Variants in CYRIB observed in about 807,000 individuals in gnomAD.
The protein encoded by CYRIB is CYFIP-related Rac1 interactor B.
Under a neutral mutation model 44.2 loss-of-function variants are expected in CYRIB, and 8 were observed. That is an observed-to-expected ratio of 0.18 (90% CI 0.11 to 0.33). The LOEUF (loss-of-function observed/expected upper bound fraction) is 0.33. CYRIB is among the 10% of genes least tolerant of loss of function. The pLI, the probability that CYRIB is intolerant of heterozygous loss-of-function variation, is 1.00. For synonymous variants in CYRIB, 131 were observed against 127.2 expected, an observed-to-expected ratio of 1.03 and a Z score of -0.20; for missense variants, 185 against 382.8, an observed-to-expected ratio of 0.48 and a Z score of 4.31.
chr8:129,966,120 G>A (rs971625544), intron 2 of CYRIB, among the ~76,000 whole-genome samples: 3 of 152,162 alleles, frequency 2.0e-5, no homozygotes, highest in Non-Finnish European at 4.4e-5. Context: ...GGCTTCCAAA[G>A]TGCTGATTAT....
intron 1 of CYRIB, among the ~76,000 whole-genome samples, chr8:129,972,834 A>G (rs1444302606): frequency 6.6e-6 from 1 of 152,140 alleles, no homozygotes; most frequent in Non-Finnish European, 1.5e-5. Context: ...GATAGAAGTA[A>G]CATGGGCCTC....
At chr8:129,982,944 C>G (rs2096294448) in intron 1 of CYRIB, among the ~76,000 whole-genome samples, 1 of 151,540 alleles carries the variant, frequency 6.6e-6, no homozygotes, top group Non-Finnish European at 1.5e-5. Context: ...GTCCAGCTCT[C>G]CAAAATGTAT....
intron 4 of CYRIB, among the ~76,000 whole-genome samples, chr8:129,866,444 A>C (rs2132709625): frequency 6.6e-6 from 1 of 152,306 alleles, no homozygotes; most frequent in Admixed American, 6.5e-5. Flanking sequence ...TTTCCAGGGA[A>C]TATTCATAGA....
intron 1 of CYRIB, among the ~76,000 whole-genome samples, chr8:129,911,314 A>G (rs1274372817): frequency 3.9e-5 from 6 of 152,196 alleles, no homozygotes; most frequent in African/African-American, 1.4e-4. Flanking sequence ...TCATGACTAG[A>G]GGGTAAGGAA....
chr8:129,942,805 A>G (rs1590752643), upstream of CYRIB, among the ~76,000 whole-genome samples: 1 of 152,136 alleles, frequency 6.6e-6, no homozygotes, highest in Non-Finnish European at 1.5e-5. Context: ...CAGCCATCCT[A>G]TATGGTACTA....
At chr8:129,904,017 G>C (rs976887947) in intron 1 of CYRIB, among the ~76,000 whole-genome samples, 1 of 152,148 alleles carries the variant, frequency 6.6e-6, no homozygotes, top group African/African-American at 2.4e-5. Flanking sequence ...GCCTCCCATA[G>C]TGCTGGGATT....
At chr8:129,909,417 A>G (rs2076946669) in intron 1 of CYRIB, among the ~76,000 whole-genome samples, 2 of 152,196 alleles carry the variant, frequency 1.3e-5, no homozygotes, top group Admixed American at 1.3e-4. Flanking sequence ...AATTTCTTTT[A>G]TGTATATTTT....
chr8:129,921,147 T>C (rs1054381212), intron 1 of CYRIB, among the ~76,000 whole-genome samples: 2 of 152,214 alleles, frequency 1.3e-5, no homozygotes, highest in African/African-American at 4.8e-5. Context: ...ATAAGTCTTA[T>C]CTATTAAAAA....
chr8:129,991,071 G>A (rs897526258), intron 1 of CYRIB, among the ~76,000 whole-genome samples: 11 of 148,388 alleles, frequency 7.4e-5, no homozygotes, highest in African/African-American at 2.5e-4. Flanking sequence ...GGTGAGGGTT[G>A]CAGTGAGCCG....
chr8:129,851,028 C>T, intron 8 of CYRIB, 114 bp from the exon 11 acceptor site: 1 of 673,818 alleles, frequency 1.5e-6, no homozygotes, highest in South Asian at 1.8e-5. Flanking sequence ...CTGGTTCCTA[C>T]TCCTAATTTT....
chr8:129,915,508 A>G (rs1020242454), intron 1 of CYRIB, among the ~76,000 whole-genome samples: 2 of 152,178 alleles, frequency 1.3e-5, no homozygotes, highest in Admixed American at 1.3e-4. Context: ...GGAAACGCAA[A>G]CTAATATAAG....
chr8:129,996,153 T>C (rs759831371), intron 1 of CYRIB, among the ~76,000 whole-genome samples: 1 of 152,192 alleles, frequency 6.6e-6, no homozygotes, highest in African/African-American at 2.4e-5. Flanking sequence ...CCAAGGCACT[T>C]TGCTTAGAGC....
Position 129,903,414 on chromosome 8 carries a change from T to C in CYRIB, c.-49-64A>G, listed in dbSNP as rs55829744. 1,497 of 152,774 alleles carry C rather than the reference T, an allele frequency of 9.8e-3. 10 individuals are homozygous for C. Among genetic ancestry groups the C allele is most frequent in the Middle Eastern group, 0.041 (12 of 294 alleles). The allele number at this position is 152,774 out of a possible 1,614,324, so 9.5% of individuals were successfully genotyped here. A position where few individuals can be genotyped will look rare whatever the true frequency, so the allele number is the denominator to read the frequency against. On this transcript the variant is annotated intron_variant, in intron 1 of 11. Coordinates refer to ENST00000519824, the Ensembl canonical transcript of CYRIB. ...ATTATTATACTTTAAAACAAGTTTT[T>C]ATTACAGTTAACTTTAAAGTTTACG...
intron 1 of CYRIB, among the ~76,000 whole-genome samples, chr8:129,981,798 C>T (rs1291988524): frequency 6.6e-6 from 1 of 152,216 alleles, no homozygotes; most frequent in Non-Finnish European, 1.5e-5. Flanking sequence ...AGCCCTTCAC[C>T]TGGAGAACTG....
chr8:129,860,897 G>C (rs928596119), intron 5 of CYRIB, among the ~76,000 whole-genome samples: 4 of 150,350 alleles, frequency 2.7e-5, no homozygotes, highest in African/African-American at 9.7e-5. Flanking sequence ...CAGTGACCAA[G>C]TGTTAAACCT....
chr8:129,941,272 G>GTTT (rs551305807), upstream of CYRIB, among the ~76,000 whole-genome samples: 26 of 125,058 alleles, frequency 2.1e-4, 1 homozygote, highest in South Asian at 7.8e-4. Flanking sequence ...AACTGAAGGA[G>GTTT]ATTTTTTTTT....
At chr8:129,886,712 C>T (rs1358885508) in intron 2 of CYRIB, among the ~76,000 whole-genome samples, 2 of 152,012 alleles carry the variant, frequency 1.3e-5, no homozygotes, top group Non-Finnish European at 2.9e-5. Flanking sequence ...GCCCTCACAC[C>T]TTACCTTGCC....
At chr8:129,846,244 T>C (rs972590379) in intron 11 of CYRIB, among the ~76,000 whole-genome samples, 6 of 152,166 alleles carry the variant, frequency 3.9e-5, no homozygotes, top group Non-Finnish European at 8.8e-5. Context: ...TTGTAGGAAA[T>C]ACATAAAAAT....
At chr8:129,984,916 A>G (rs2096394281) in intron 1 of CYRIB, among the ~76,000 whole-genome samples, 2 of 152,196 alleles carry the variant, frequency 1.3e-5, no homozygotes. Context: ...CTGGGATTAC[A>G]GGCATGTACC....
Sources: allele counts gnomAD v4.1 joint callset (sites outside exome capture counted in the v4.1 genomes callset), GRCh38; gene constraint gnomAD v4.1.1; transcripts MANE v1.5; gene names NCBI Gene and HGNC (gene_info 2026-07-23, HGNC 2026-07-21).